Variants in SH3TC1 observed in about 807,000 individuals in gnomAD.
SH3TC1 encodes SH3 domain and tetratricopeptide repeats 1.
A neutral mutation model predicts 117.3 loss-of-function variants in SH3TC1; 135 were observed. That is an observed-to-expected ratio of 1.15 (90% CI 1.00 to 1.33). SH3TC1 has a LOEUF of 1.33. SH3TC1 is among the 40% of genes most tolerant of loss of function. The probability of loss-of-function intolerance (pLI) is 0.00; values close to 1 mark genes in which losing one functional copy is unlikely to be tolerated. For synonymous variants in SH3TC1, 898 were observed against 816.9 expected, an observed-to-expected ratio of 1.10 and a Z score of -1.69; for missense variants, 2,092 against 1,794.3, an observed-to-expected ratio of 1.17 and a Z score of -3.00.
Position 8,227,707 on chromosome 4 carries a change from G to T in SH3TC1, c.2013G>T (p.Leu671=). 6.4e-7 allele frequency: 1 copy of T among 1,571,580 alleles called. No homozygotes were observed. Among genetic ancestry groups the T allele is most frequent in the Non-Finnish European group, 8.6e-7 (1 of 1,156,232 alleles). ...LQAEARACFL[L]ARHHVHLKQP... ...CCGAGGCCCGGGCCTGCTTCCTGCT[G>T]GCCAGGCACCACGTGCACCTCAAGC... Residue 671 remains leucine (L), a synonymous_variant, in exon 12 of 18, where the codon CTG becomes CTT. Coordinates refer to ENST00000245105, the MANE Select transcript of SH3TC1 (RefSeq NM_018986.5).
At chr4:8,237,110 A>G in intron 16 of SH3TC1, 1 of 242,642 alleles carries the variant, frequency 4.1e-6, no homozygotes, top group Non-Finnish European at 7.9e-6. Context: ...TCTGATGATG[A>G]CACACCCAGG....
In SH3TC1 at chr4:8,227,555, G is replaced by A. The variant is rs749648334; in HGVS notation, c.1861G>A (p.Ala621Thr). The change falls in exon 12 of 18, where the codon GCA becomes ACA. Residue 621 changes from alanine (A) to threonine (T), a missense_variant. Coordinates refer to ENST00000245105, the MANE Select transcript of SH3TC1 (RefSeq NM_018986.5). Reference sequence around the variant, plus strand: ...GAAGCAGAAGAACCGGGAGAAGTGTGCACAGGTGGTGCCCAAAGCCATGGC... The same window carrying A: ...GAAGCAGAAGAACCGGGAGAAGTGTACACAGGTGGTGCCCAAAGCCATGGC... ...YRKQKNREKC[A>T]QVVPKAMALL... 1 of 1,526,492 alleles carries A rather than the reference G, an allele frequency of 6.6e-7. No homozygotes were observed. The highest frequency in any genetic ancestry group is 1.3e-5 in the South Asian group (1 of 75,874). 94.6% of individuals were successfully genotyped at this position (1,526,492 alleles called of 1,614,324 possible). A position where few individuals can be genotyped will look rare whatever the true frequency, so the allele number is the denominator to read the frequency against.
At chr4:8,235,620 G>GGT in intron 15 of SH3TC1, 65 bp downstream of exon 15, 1 of 1,490,418 alleles carries the variant, frequency 6.7e-7, no homozygotes, top group Non-Finnish European at 9.0e-7. Flanking sequence ...CTGAGGCACA[G>GGT]GTGTGGCAGG....
At chr4:8,188,863 C>T (rs1430096073) in intron 1 of SH3TC1, among the ~76,000 whole-genome samples, 5 of 152,248 alleles carry the variant, frequency 3.3e-5, no homozygotes, top group African/African-American at 4.8e-5. Flanking sequence ...CACGAGGCAG[C>T]CACCTCCTCC....
At position 8,200,357 on chromosome 4, in the gene SH3TC1, G is replaced by T. The variant is rs10003718; in HGVS notation, c.-29+952G>T. Among the ~76,000 whole-genome samples, 705 of 152,316 alleles carry T rather than the reference G, an allele frequency of 4.6e-3. 6 individuals are homozygous for T. Among genetic ancestry groups the T allele is most frequent in the African/African-American group, 0.016 (671 of 41,546 alleles). Reference sequence around the variant, plus strand: ...ACCACCTGGGTTCAACCCCACCTGTGCTGCTTGGCTGTGTGACCTTGGGCA... The same window carrying T: ...ACCACCTGGGTTCAACCCCACCTGTTCTGCTTGGCTGTGTGACCTTGGGCA... On this transcript the variant is annotated intron_variant, in intron 1 of 17. Coordinates refer to ENST00000245105, the MANE Select transcript of SH3TC1 (RefSeq NM_018986.5).
In SH3TC1 at chr4:8,227,694, C is replaced by G; in HGVS notation, c.2000C>G (p.Ala667Gly). ...GGQSLQAEAR[A>G]CFLLARHHVH... is the part of the protein sequence containing the mutation. ...CAGAGCCTGCAGGCCGAGGCCCGGG[C>G]CTGCTTCCTGCTGGCCAGGCACCAC... Residue 667 changes from alanine to glycine, a missense_variant, in exon 12 of 18, where the codon GCC becomes GGC. Coordinates refer to ENST00000245105, the MANE Select transcript of SH3TC1 (RefSeq NM_018986.5). 2 of 1,559,072 alleles carry G rather than the reference C, an allele frequency of 1.3e-6. No individual in the cohort carries two copies. The highest frequency in any genetic ancestry group is 1.7e-6 in the Non-Finnish European group (2 of 1,150,720).
chr4:8,232,211 G>A (rs562151777), intron 13 of SH3TC1, 55 bp downstream of exon 13: 54 of 1,368,860 alleles, frequency 3.9e-5, no homozygotes, highest in Middle Eastern at 2.7e-4. Context: ...AGGGGGCGGC[G>A]GGGCGGGGGC....
intron 15 of SH3TC1, 155 bp from the exon 16 acceptor site, chr4:8,236,123 T>G: frequency 3.2e-6 from 3 of 948,360 alleles, no homozygotes; most frequent in Non-Finnish European, 4.4e-6. Flanking sequence ...CTAGCTTGGG[T>G]GTCTGAACCG....
intron 1 of SH3TC1, chr4:8,182,353 C>G (rs1307817727): frequency 4.6e-5 from 7 of 152,220 alleles, no homozygotes; most frequent in African/African-American, 1.4e-4. Context: ...ACCCAAAACT[C>G]GAAACTCACC....
At chr4:8,201,201 T>A (rs866852869) in intron 1 of SH3TC1, among the ~76,000 whole-genome samples, 1 of 152,138 alleles carries the variant, frequency 6.6e-6, no homozygotes, top group South Asian at 2.1e-4. Flanking sequence ...CGCGGCCCTC[T>A]CCCTTCTTCT....
At position 8,222,932 on chromosome 4, in the gene SH3TC1, G is replaced by A. The variant is rs375791903; in HGVS notation, c.1205G>A (p.Arg402Gln). The change falls in exon 10 of 18, where the codon CGG becomes CAG. Residue 402 changes from arginine to glutamine, a missense_variant. Transcript: ENST00000245105. ...GAGGATGCCAGGCAGTTGCTGAGGC[G>A]GATGTCGGGCACCGATGTCTGCAGC... The part of the protein sequence containing the change: ...SEEDARQLLR[R>Q]MSGTDVCSVY... The A allele has an allele frequency of 1.4e-5, 22 of 1,612,840 alleles. No individual in the cohort carries two copies. The highest frequency in any genetic ancestry group is 5.0e-5 in the Admixed American group (3 of 59,996).
chr4:8,216,166 C>A lies in SH3TC1; in HGVS notation c.537C>A (p.Leu179=). The A allele has an allele frequency of 6.2e-7, 1 of 1,613,888 alleles. No individual in the cohort carries two copies. The highest frequency in any genetic ancestry group is 8.5e-7 in the Non-Finnish European group (1 of 1,180,028). ...TCATGGACCAGGCCTTCTGGCTGCT[C>A]TTGCCCAGTGAGGAGGAGGAGACGG... ...NLLMDQAFWL[L]LPSEEEETAI... is the part of the protein sequence containing the mutation. The change falls in exon 6 of 18, where the codon CTC becomes CTA. Residue 179 remains leucine, a synonymous_variant. Transcript: ENST00000245105.
chr4:8,221,065 C>T (rs1719877482), intron 9 of SH3TC1, among the ~76,000 whole-genome samples: 1 of 152,248 alleles, frequency 6.6e-6, no homozygotes, highest in Admixed American at 6.5e-5. Flanking sequence ...CTTTTCCACA[C>T]TTACTTAACC....
chr4:8,225,283 G>T lies in SH3TC1; in HGVS notation c.1285+67G>T. 2 of 1,551,800 alleles carry T rather than the reference G, an allele frequency of 1.3e-6. No individual in the cohort carries two copies. Among genetic ancestry groups the T allele is most frequent in the Non-Finnish European group, 1.8e-6 (2 of 1,137,270 alleles). On this transcript the variant is annotated intron_variant, in intron 11 of 17. Transcript: ENST00000245105. The surrounding 1 kb of genome is among the most constrained non-coding windows in gnomAD (Gnocchi z 5.5). ...TGGGCCTTGGGGTAACGCTGGGGGAGGTGACAAAGCTGAGCACGGTGGGCA... is the reference window on the plus strand; with the variant it reads ...TGGGCCTTGGGGTAACGCTGGGGGATGTGACAAAGCTGAGCACGGTGGGCA...
At position 8,228,098 on chromosome 4, in the gene SH3TC1, C is replaced by A. The variant is rs757477223; in HGVS notation, c.2404C>A (p.His802Asn). ...LAQLYSHHGC[H>N]GPAITFMTQA... ...CCAGCTGTACAGCCACCATGGCTGC[C>A]ACGGCCCGGCCATCACCTTCATGAC... is the stretch of plus-strand genomic sequence containing the variant. Residue 802 changes from histidine to asparagine, a missense_variant, in exon 12 of 18, where the codon CAC becomes AAC. By Grantham distance (68) the His-to-Asn change is moderately conservative. Transcript: ENST00000245105. 3.1e-6 allele frequency: 5 copies of A among 1,609,516 alleles called. No homozygotes were observed. The South Asian group carries it at 4.4e-5, about 14-fold the overall frequency.
At chr4:8,215,315 C>A (rs1190253405) in intron 5 of SH3TC1, 1 of 447,150 alleles carries the variant, frequency 2.2e-6, no homozygotes, top group African/African-American at 2.0e-5. Context: ...CCCTGGGGAT[C>A]TTGCGACACC....
At chr4:8,197,673 C>T (rs1014467413), upstream of SH3TC1, among the ~76,000 whole-genome samples, 1 of 152,208 alleles carries the variant, frequency 6.6e-6, no homozygotes, top group South Asian at 2.1e-4. Flanking sequence ...GGCTGGGCCC[C>T]TAAGGGGCTT....
chr4:8,186,500 G>A lies in SH3TC1; in HGVS notation c.-57+4290G>A, dbSNP rs1239728649. On this transcript the variant is annotated intron_variant, in intron 1 of 16. Coordinates refer to the SH3TC1 transcript ENST00000508641. This position sits in a 1 kb window ranked among gnomAD's most constrained non-coding sequence, Gnocchi z 5.2. ...TTGTGAGTAAAAATAGCAGGTCCAC[G>A]TTGGTTTACTGAATGTGACAGGTTA... Among the ~76,000 whole-genome samples, 1 of 152,210 alleles carries A rather than the reference G, an allele frequency of 6.6e-6. No homozygotes were observed. Among genetic ancestry groups the A allele is most frequent in the African/African-American group, 2.4e-5 (1 of 41,452 alleles).
chr4:8,217,811 G>A (rs1719444267), intron 7 of SH3TC1, among the ~76,000 whole-genome samples: 1 of 152,250 alleles, frequency 6.6e-6, no homozygotes. Flanking sequence ...CAGTCATCTA[G>A]TCCAGCTTCC....
Sources: gnomAD v4.1 joint callset for allele counts (sites outside exome capture counted in the v4.1 genomes callset) on GRCh38, gnomAD v4.1.1 for gene constraint, Gnocchi (gnomAD v3.1) non-coding constraint, MANE v1.5 for transcripts, NCBI Gene and HGNC (gene_info 2026-07-23, HGNC 2026-07-21) for gene names.